HS3ST3B1: variants seen among roughly 807,000 people sequenced by gnomAD.
HS3ST3B1 encodes heparan sulfate-glucosamine 3-sulfotransferase 3B1.
HS3ST3B1 carries 13 observed loss-of-function variants against 21.3 expected under a neutral mutation model. That is an observed-to-expected ratio of 0.61 (90% CI 0.40 to 0.97). HS3ST3B1 has a LOEUF of 0.97. Ranked by LOEUF, HS3ST3B1 falls within the 50% of genes least tolerant of loss-of-function variation. HS3ST3B1 has a pLI of 0.00. For synonymous variants in HS3ST3B1, 234 were observed against 254.8 expected, an observed-to-expected ratio of 0.92 and a Z score of 0.78; for missense variants, 459 against 554.8, an observed-to-expected ratio of 0.83 and a Z score of 1.73.
chr17:14,316,175 G>A (rs1319928579), intron 1 of HS3ST3B1, among the ~76,000 whole-genome samples: 1 of 152,120 alleles, frequency 6.6e-6, no homozygotes, highest in Non-Finnish European at 1.5e-5. Flanking sequence ...TATAGCTTGA[G>A]TTATTCCTCT....
chr17:14,320,806 A>G (rs1305105251), intron 1 of HS3ST3B1, among the ~76,000 whole-genome samples: 2 of 152,168 alleles, frequency 1.3e-5, no homozygotes, highest in Non-Finnish European at 2.9e-5. Context: ...CAGACCTACA[A>G]TAGGAACAGC....
intron 1 of HS3ST3B1, among the ~76,000 whole-genome samples, chr17:14,317,195 C>T (rs752006079): frequency 3.3e-5 from 5 of 152,190 alleles, no homozygotes; most frequent in Non-Finnish European, 5.9e-5. Context: ...AATTTAATAC[C>T]CACCTTCGCT....
At chr17:14,331,364 A>C (rs1910006396) in intron 1 of HS3ST3B1, among the ~76,000 whole-genome samples, 1 of 151,934 alleles carries the variant, frequency 6.6e-6, no homozygotes, top group Admixed American at 6.6e-5. Context: ...CCTATAACCG[A>C]GGATTCTGCC....
chr17:14,312,278 C>T (rs1909330760), intron 1 of HS3ST3B1, among the ~76,000 whole-genome samples: 1 of 152,050 alleles, frequency 6.6e-6, no homozygotes. Flanking sequence ...CTGTAGGTGG[C>T]TCTACCTCTT....
intron 1 of HS3ST3B1, among the ~76,000 whole-genome samples, chr17:14,324,579 C>T (rs1909750731): frequency 6.6e-6 from 1 of 152,084 alleles, no homozygotes; most frequent in Non-Finnish European, 1.5e-5. Context: ...CCATTCAAAT[C>T]TACATATTTC....
At chr17:14,316,424 T>C (rs568336888) in intron 1 of HS3ST3B1, among the ~76,000 whole-genome samples, 1 of 152,356 alleles carries the variant, frequency 6.6e-6, no homozygotes, top group East Asian at 1.9e-4. Context: ...AGCAGGCTAA[T>C]TGCAGGTTCA....
rs1035949412 is a variant in HS3ST3B1, at chr17:14,301,667, C to G, written c.149C>G (p.Ser50Trp). ...GTCTGGCTCTATATGTTCCTGTACT[C>G]GTGCGCCGGCTCCTGCGCCGCCGCG... ...LCVWLYMFLY[S>W]CAGSCAAAPG... Residue 50 changes from serine to tryptophan, a missense_variant, in exon 1 of 2, where the codon TCG becomes TGG. Ser to Trp is a radical substitution (Grantham distance 177). Coordinates refer to ENST00000360954, the MANE Select transcript of HS3ST3B1 (RefSeq NM_006041.3). 2.5e-6 allele frequency: 4 copies of G among 1,603,380 alleles called. No individual in the cohort carries two copies. The highest frequency in any genetic ancestry group is 3.4e-6 in the Non-Finnish European group (4 of 1,176,792).
intron 1 of HS3ST3B1, among the ~76,000 whole-genome samples, chr17:14,321,951 T>C (rs7221273): frequency 0.36 from 55,239 of 151,670 alleles, 10,285 homozygotes; most frequent in African/African-American, 0.41. Flanking sequence ...CACATCACCA[T>C]CATTATCATC....
At chr17:14,308,352 A>G (rs1909197006) in intron 1 of HS3ST3B1, among the ~76,000 whole-genome samples, 1 of 152,258 alleles carries the variant, frequency 6.6e-6, no homozygotes, top group Admixed American at 6.5e-5. Flanking sequence ...GTACATAGAT[A>G]AAAGTGGTAT....
At chr17:14,320,022 C>A (rs1909611246) in intron 1 of HS3ST3B1, among the ~76,000 whole-genome samples, 1 of 152,018 alleles carries the variant, frequency 6.6e-6, no homozygotes, top group Admixed American at 6.6e-5. Context: ...AAGATGAGGA[C>A]TGAGAGGGTC....
Position 14,303,981 on chromosome 17 carries a change from C to A in HS3ST3B1, c.554+1909C>A, listed in dbSNP as rs189279402. On this transcript the variant is annotated intron_variant, in intron 1 of 1. Coordinates refer to ENST00000360954, the MANE Select transcript of HS3ST3B1 (RefSeq NM_006041.3). The surrounding 1 kb of genome is among the most constrained non-coding windows in gnomAD (Gnocchi z 5.7). ...ATCCCCACAGGAAGGCTCACGCAGTCTCTTAGGCGGCTGCCCTCCACCTGC... is the reference window on the plus strand; with the variant it reads ...ATCCCCACAGGAAGGCTCACGCAGTATCTTAGGCGGCTGCCCTCCACCTGC... 30 of 152,390 alleles carry A rather than the reference C, an allele frequency of 2.0e-4. No homozygotes were observed. The East Asian group carries it at 5.4e-3, about 27-fold the overall frequency. 9.4% of individuals were successfully genotyped at this position (152,390 alleles called of 1,614,324 possible).
At chr17:14,333,574 GGATTT>G (rs1393990712) in intron 1 of HS3ST3B1, among the ~76,000 whole-genome samples, 1 of 152,068 alleles carries the variant, frequency 6.6e-6, no homozygotes, top group African/African-American at 2.4e-5. Flanking sequence ...AGACAAGTGG[GGATTT>G]ATAGCCAAGG....
chr17:14,324,911 C>A (rs559647167), intron 1 of HS3ST3B1, among the ~76,000 whole-genome samples: 9 of 152,094 alleles, frequency 5.9e-5, no homozygotes, highest in Admixed American at 5.9e-4. Context: ...ACCATTAAGG[C>A]GATTCTTAAA....
intron 1 of HS3ST3B1, among the ~76,000 whole-genome samples, chr17:14,333,271 G>T (rs1318973356): frequency 6.6e-6 from 1 of 151,890 alleles, no homozygotes; most frequent in Non-Finnish European, 1.5e-5. Flanking sequence ...TTTGAGACCC[G>T]CCTGGCCAAT....
At position 14,346,652 on chromosome 17, in the gene HS3ST3B1, A is replaced by T. The variant is rs1361472725; in HGVS notation, c.*1006A>T. 2 of 152,018 alleles carry T rather than the reference A, an allele frequency of 1.3e-5. No homozygotes were observed. The highest frequency in any genetic ancestry group is 2.9e-5 in the Non-Finnish European group (2 of 68,040). 9.4% of individuals were successfully genotyped at this position (152,018 alleles called of 1,614,324 possible). ...CTCTGCCCCATTCCCTGGTTCATTA[A>T]CCAGTTTGAAGTGTATGTAGATTGT... On this transcript the variant is annotated 3_prime_UTR_variant, in exon 2 of 2. Transcript: ENST00000360954.
chr17:14,325,367 C>T, intron 1 of HS3ST3B1, among the ~76,000 whole-genome samples: 1 of 152,150 alleles, frequency 6.6e-6, no homozygotes, highest in East Asian at 1.9e-4. Flanking sequence ...ACCATTGGTT[C>T]AAAGGAGAAG....
At chr17:14,325,774 G>C (rs143120027) in intron 1 of HS3ST3B1, among the ~76,000 whole-genome samples, 27 of 152,330 alleles carry the variant, frequency 1.8e-4, no homozygotes, top group African/African-American at 6.3e-4. Context: ...CTGCTGGTAA[G>C]TGCTGGCTCC....
rs1909036981 is a variant in HS3ST3B1 at position 14,303,956 on chromosome 17, A to C, written c.554+1884A>C. The C allele has an allele frequency of 6.6e-6, 1 of 152,258 alleles. No individual in the cohort carries two copies. The highest frequency in any genetic ancestry group is 6.5e-5 in the Admixed American group (1 of 15,286). The allele number at this position is 152,258 out of a possible 1,614,324, so 9.4% of individuals were successfully genotyped here. ...GAAGCACCTGGGGCAAGCTATGGAA[A>C]TCCCCACAGGAAGGCTCACGCAGTC... On this transcript the variant is annotated intron_variant, in intron 1 of 1. Coordinates refer to ENST00000360954, the MANE Select transcript of HS3ST3B1 (RefSeq NM_006041.3). This position sits in a 1 kb window ranked among gnomAD's most constrained non-coding sequence, Gnocchi z 5.7.
At chr17:14,330,615 T>C (rs1218611294) in intron 1 of HS3ST3B1, among the ~76,000 whole-genome samples, 1 of 150,766 alleles carries the variant, frequency 6.6e-6, no homozygotes, top group African/African-American at 2.5e-5. Context: ...GTGATTTTCA[T>C]CAACTCTGTG....
Sources: gnomAD v4.1 joint callset for allele counts (sites outside exome capture counted in the v4.1 genomes callset) on GRCh38, gnomAD v4.1.1 for gene constraint, Gnocchi (gnomAD v3.1) non-coding constraint, MANE v1.5 for transcripts, NCBI Gene and HGNC (gene_info 2026-07-23, HGNC 2026-07-21) for gene names.